WWTR1: variants seen among roughly 807,000 people sequenced by gnomAD.
WWTR1 encodes the protein WW domain containing transcription regulator 1.
WWTR1 carries 13 observed loss-of-function variants against 40.1 expected under a neutral mutation model. The ratio of observed to expected loss-of-function variants is 0.32; its 90% CI spans 0.21 to 0.52. The LOEUF is 0.52. Among genes scored for constraint, WWTR1 ranks in the 20% least tolerant of loss-of-function variants. The pLI is 0.97. For synonymous variants in WWTR1, 230 were observed against 210.1 expected, an observed-to-expected ratio of 1.09 and a Z score of -0.82; for missense variants, 436 against 523.1, an observed-to-expected ratio of 0.83 and a Z score of 1.63.
At chr3:149,531,413 C>T (rs554641424) in intron 4 of WWTR1, among the ~76,000 whole-genome samples, 1 of 152,152 alleles carries the variant, frequency 6.6e-6, no homozygotes, top group Non-Finnish European at 1.5e-5. Flanking sequence ...TCTTGTTCCA[C>T]CTGGATGGTA....
intron 2 of WWTR1, among the ~76,000 whole-genome samples, chr3:149,665,004 A>C (rs1353093669): frequency 6.6e-6 from 1 of 152,134 alleles, no homozygotes; most frequent in East Asian, 1.9e-4. Context: ...TAAGTTATTT[A>C]TCCTTTAGTA....
intron 1 of WWTR1, among the ~76,000 whole-genome samples, chr3:149,693,351 A>G (rs1184940331): frequency 6.6e-6 from 1 of 152,230 alleles, no homozygotes; most frequent in Non-Finnish European, 1.5e-5. Flanking sequence ...AAATGGAAAT[A>G]TATTCCATGT....
At chr3:149,666,483 A>G (rs1713823422) in intron 2 of WWTR1, among the ~76,000 whole-genome samples, 2 of 152,228 alleles carry the variant, frequency 1.3e-5, no homozygotes, top group Admixed American at 1.3e-4. Flanking sequence ...GCCACACAAT[A>G]CATCCTAATT....
intron 1 of WWTR1, among the ~76,000 whole-genome samples, chr3:149,679,123 G>T (rs997182049): frequency 6.6e-6 from 1 of 152,190 alleles, no homozygotes; most frequent in Non-Finnish European, 1.5e-5. Context: ...GAGCCACTGC[G>T]CCTGGCCCAA....
chr3:149,600,262 A>C (rs1483403685), intron 2 of WWTR1, among the ~76,000 whole-genome samples: 3 of 152,236 alleles, frequency 2.0e-5, no homozygotes, highest in African/African-American at 7.2e-5. Context: ...TCTTCAAGTA[A>C]TGCCATTATT....
At chr3:149,592,197 AC>A (rs1291511437) in intron 2 of WWTR1, among the ~76,000 whole-genome samples, 1 of 152,244 alleles carries the variant, frequency 6.6e-6, no homozygotes, top group Non-Finnish European at 1.5e-5. Flanking sequence ...TTTATACAAT[AC>A]ATATGCATAT....
At chr3:149,526,209 C>A in intron 5 of WWTR1, 84 bp from the exon 6 acceptor site, 1 of 1,031,550 alleles carries the variant, frequency 9.7e-7, no homozygotes, top group African/African-American at 1.6e-5. Context: ...AAGCTCTAAA[C>A]TAGTGCAGTT....
chr3:149,562,164 G>A lies in WWTR1; in HGVS notation c.568+10700C>T, dbSNP rs544091766. 9.9e-5 allele frequency among the ~76,000 whole-genome samples: 15 copies of A among 152,012 alleles called. No homozygotes were observed. In the East Asian group the frequency reaches 2.5e-3, roughly 26 times the overall value. On this transcript the variant is annotated intron_variant, in intron 3 of 6. Coordinates refer to ENST00000360632, the MANE Select transcript of WWTR1 (RefSeq NM_015472.6). ...ACAAAAATTAGCCGGGCATGGTGGC[G>A]TGTGCCTGTAGTCCCAGCTACTCAG...
intron 2 of WWTR1, among the ~76,000 whole-genome samples, chr3:149,645,087 T>A (rs56777433): frequency 0.022 from 3,349 of 149,408 alleles, 125 homozygotes; most frequent in East Asian, 0.15. Context: ...TTTATTTATT[T>A]TTTTTTTTTT....
chr3:149,691,008 A>G (rs571740857), intron 1 of WWTR1, among the ~76,000 whole-genome samples: 2 of 152,356 alleles, frequency 1.3e-5, no homozygotes, highest in Non-Finnish European at 2.9e-5. Flanking sequence ...GAATCAATGA[A>G]GAAATCAAGA....
At chr3:149,595,188 T>C (rs901492332) in intron 2 of WWTR1, among the ~76,000 whole-genome samples, 3 of 151,768 alleles carry the variant, frequency 2.0e-5, no homozygotes, top group Admixed American at 2.0e-4. Flanking sequence ...TCTCAATCTC[T>C]TAACCTCGTG....
chr3:149,553,689 G>A (rs1382775142), intron 3 of WWTR1, among the ~76,000 whole-genome samples: 2 of 152,204 alleles, frequency 1.3e-5, no homozygotes, highest in Non-Finnish European at 2.9e-5. Flanking sequence ...ACATACAGGT[G>A]TAAATCGTTT....
chr3:149,572,667 AT>A (rs1298008989), intron 3 of WWTR1, among the ~76,000 whole-genome samples, 196 bp downstream of exon 3: 1 of 151,788 alleles, frequency 6.6e-6, no homozygotes, highest in African/African-American at 2.4e-5. Context: ...ATTGAACACC[AT>A]TTCTTCAGCT....
chr3:149,670,275 T>A (rs149901716), intron 1 of WWTR1, among the ~76,000 whole-genome samples: 1 of 152,304 alleles, frequency 6.6e-6, no homozygotes, highest in Non-Finnish European at 1.5e-5. Flanking sequence ...ACAGACTGCA[T>A]CACACAGGCT....
upstream of WWTR1, among the ~76,000 whole-genome samples, chr3:149,704,588 C>T (rs1715282002): frequency 6.6e-6 from 1 of 152,162 alleles, no homozygotes; most frequent in African/African-American, 2.4e-5. Context: ...AGGCAGCCAG[C>T]ATAAGGAACC....
At chr3:149,704,848 TA>T (rs78568310), upstream of WWTR1, among the ~76,000 whole-genome samples, 171 of 122,772 alleles carry the variant, frequency 1.4e-3, no homozygotes, top group African/African-American at 1.6e-3. Flanking sequence ...ACACAAAAGT[TA>T]AAAAAAAAAA....
At chr3:149,595,535 C>T (rs1012666422) in intron 2 of WWTR1, among the ~76,000 whole-genome samples, 3 of 151,686 alleles carry the variant, frequency 2.0e-5, no homozygotes, top group African/African-American at 7.3e-5. Flanking sequence ...ACAAATATAC[C>T]AAATGTTAAC....
At chr3:149,645,795 AT>A (rs150142433) in intron 2 of WWTR1, among the ~76,000 whole-genome samples, 137 of 150,368 alleles carry the variant, frequency 9.1e-4, no homozygotes, top group African/African-American at 2.2e-3. Context: ...ACAAATGAAT[AT>A]TTTTTTTTTA....
At chr3:149,717,216 G>A (rs548669794) in intron 5 of WWTR1, among the ~76,000 whole-genome samples, 9 of 152,198 alleles carry the variant, frequency 5.9e-5, no homozygotes, top group Non-Finnish European at 1.2e-4. Flanking sequence ...CTTCTTTCCC[G>A]TTCGAAAGCA....
Sources: gnomAD v4.1 joint callset for allele counts (sites outside exome capture counted in the v4.1 genomes callset) on GRCh38, gnomAD v4.1.1 for gene constraint, MANE v1.5 for transcripts, NCBI Gene and HGNC (gene_info 2026-07-23, HGNC 2026-07-21) for gene names.